The following EPG5 variants were observed in gnomAD, a reference collection of about 807,000 sequenced individuals.
EPG5 encodes the protein ectopic P granules protein 5 homolog.
A neutral mutation model predicts 302.7 loss-of-function variants in EPG5; 159 were observed. The observed-to-expected ratio is 0.53, with a 90% CI of 0.46 to 0.60. The LOEUF is 0.60. Ranked by LOEUF, EPG5 falls within the 20% of genes least tolerant of loss-of-function variation. The pLI, the probability that EPG5 is intolerant of heterozygous loss-of-function variation, is 0.00. For missense variants in EPG5, 2,896 were observed against 3,092.4 expected (o/e 0.94, Z 1.51); for synonymous variants, 1,158 against 1,136.8 (o/e 1.02, Z -0.37).
At chr18:45,837,215 G>C in the EPG5 span, 1 of 1,421,846 alleles carries the variant, frequency 7.0e-7, no homozygotes, top group Non-Finnish European at 9.3e-7. Flanking sequence ...ATGGGGTCAA[G>C]GGGCCTGCAG....
chr18:45,808,983 C>T, the EPG5 span, among the ~76,000 whole-genome samples: 811 of 152,182 alleles, frequency 5.3e-3, 5 homozygotes, highest in Middle Eastern at 0.024. Flanking sequence ...TATCTGCTGC[C>T]TTCAGGAGGC....
At position 45,928,923 on chromosome 18, in the gene EPG5, C is replaced by A; in HGVS notation, c.2499G>T (p.Glu833Asp). ...CTCTATCCAGAAGGACGGAAATTAT[C>A]TCAGGGTGAACAGCTGTGATAGTCC... is the stretch of plus-strand genomic sequence containing the variant. The part of the protein sequence containing the change: ...LLGTITAVHP[E>D]IISVLLDRVQ... The change falls in exon 13 of 44, where the codon GAG becomes GAT. Residue 833 changes from glutamate (E) to aspartate (D), a missense_variant. Physicochemically the swap from Glu to Asp is conservative, Grantham distance 45 (BLOSUM62 2). Transcript: ENST00000282041. 4 of 1,614,020 alleles carry A rather than the reference C, an allele frequency of 2.5e-6. No individual in the cohort carries two copies. The South Asian group carries it at 3.3e-5, about 13-fold the overall frequency.
rs779871939 is a variant in EPG5, at chr18:45,954,915, T to G, written c.487A>C (p.Thr163Pro). ...TGTATATTTTCCATTGCTGGCTGAG[T>G]ATAAGAAAAATTAGATTGGGGTGCA... is the stretch of plus-strand genomic sequence containing the variant. ...ESAPQSNFSY[T>P]QPAMENIQVR... The change falls in exon 2 of 44, where the codon ACT becomes CCT. Residue 163 changes from threonine (T) to proline (P), a missense_variant. Physicochemically the swap from Thr to Pro is conservative, Grantham distance 38. Around this residue, in one of 5 missense-constraint regions of EPG5, gnomAD observed 1,390 missense variants for 1,430.0 expected, o/e 0.97. Coordinates refer to ENST00000282041, the MANE Select transcript of EPG5 (RefSeq NM_020964.3). 8 of 1,613,620 alleles carry G rather than the reference T, an allele frequency of 5.0e-6. No individual in the cohort carries two copies. The highest frequency in any genetic ancestry group is 1.7e-5 in the Admixed American group (1 of 59,892).
At position 45,955,140 on chromosome 18, in the gene EPG5, A is replaced by C. The variant is rs748333288; in HGVS notation, c.262T>G (p.Leu88Val). The change falls in exon 2 of 44, where the codon TTA (leucine) becomes GTA (valine). Residue 88 changes from leucine (L) to valine (V), a missense_variant. By Grantham distance (32) the Leu-to-Val change is conservative (BLOSUM62 1). Coordinates refer to ENST00000282041, the MANE Select transcript of EPG5 (RefSeq NM_020964.3). ...SEMFDVPLTS[L>V]TISNEESLTC... Reference sequence around the variant, plus strand: ...AGGGACTCTTCATTGCTTATAGTTAAGGAGGTGAGTGGTACATCAAACATT... The same window carrying C: ...AGGGACTCTTCATTGCTTATAGTTACGGAGGTGAGTGGTACATCAAACATT... 1.9e-6 allele frequency: 3 copies of C among 1,614,088 alleles called. No homozygotes were observed. The highest frequency in any genetic ancestry group is 2.5e-6 in the Non-Finnish European group (3 of 1,180,004).
intron 4 of EPG5, among the ~76,000 whole-genome samples, chr18:45,950,500 T>C (rs1260882446): frequency 6.6e-6 from 1 of 152,170 alleles, no homozygotes; most frequent in African/African-American, 2.4e-5. Flanking sequence ...CGAAGTGCCT[T>C]TTGCCCTCCA....
intron 25 of EPG5, 111 bp from the exon 26 acceptor site, chr18:45,901,278 A>C: frequency 1.1e-6 from 1 of 883,522 alleles, no homozygotes. Context: ...TTATAGTCTT[A>C]CGATAGTTGA....
intron 27 of EPG5, among the ~76,000 whole-genome samples, chr18:45,899,080 G>A (rs780267291): frequency 2.0e-5 from 3 of 152,100 alleles, no homozygotes; most frequent in African/African-American, 2.4e-5. Flanking sequence ...AGCCAAGATC[G>A]CGCCACTGCA....
At chr18:45,866,738 C>T (rs1011177220) in intron 38 of EPG5, 60 bp downstream of exon 38, 122 of 1,341,080 alleles carry the variant, frequency 9.1e-5, no homozygotes, top group Admixed American at 7.8e-4. Context: ...CTTTGTAGCA[C>T]TTATGCTGCT....
At chr18:45,828,030 C>T in the EPG5 span, among the ~76,000 whole-genome samples, 1 of 152,192 alleles carries the variant, frequency 6.6e-6, no homozygotes, top group Non-Finnish European at 1.5e-5. Context: ...CAGGGTGGTC[C>T]AGGCCCCCAC....
the EPG5 span, among the ~76,000 whole-genome samples, chr18:45,805,205 A>G: frequency 6.6e-6 from 1 of 152,114 alleles, no homozygotes; most frequent in South Asian, 2.1e-4. Flanking sequence ...AAACAGGAAA[A>G]AGGGGTTATT....
At position 45,848,132 on chromosome 18, in the gene EPG5, A is replaced by T. The variant is rs2048381827; in HGVS notation, c.*4335T>A. The T allele has an allele frequency of 6.6e-6, 1 of 152,228 alleles. No homozygotes were observed. Among genetic ancestry groups the T allele is most frequent in the South Asian group, 2.1e-4 (1 of 4,834 alleles). The allele number at this position is 152,228 out of a possible 1,614,324, so 9.4% of individuals were successfully genotyped here. The stretch of plus-strand genomic sequence containing the variant: ...AAATGAAGTCTGCGTTAGTAAGTCT[A>T]GAACTTTACCCAGCACAACCCAGAC... On this transcript the variant is annotated 3_prime_UTR_variant, in exon 44 of 44. Transcript: ENST00000282041.
the EPG5 span, among the ~76,000 whole-genome samples, chr18:45,819,543 A>G: frequency 1.3e-5 from 2 of 152,218 alleles, no homozygotes; most frequent in Non-Finnish European, 2.9e-5. Context: ...CAGAAAATAT[A>G]TAGATATCTA....
the EPG5 span, among the ~76,000 whole-genome samples, chr18:45,831,910 G>C: frequency 6.6e-6 from 1 of 152,154 alleles, no homozygotes; most frequent in African/African-American, 2.4e-5. Flanking sequence ...GCTAATTTTT[G>C]TGTTTTTAGT....
Position 45,899,532 on chromosome 18 carries a change from G to A in EPG5, c.4681C>T (p.Leu1561=), listed in dbSNP as rs944495980. The change falls in exon 27 of 44, where the codon CTG becomes TTG. Residue 1561 remains leucine (L), a synonymous_variant. Coordinates refer to ENST00000282041, the MANE Select transcript of EPG5 (RefSeq NM_020964.3). ...AALRESQQVA[L]DGELLDTMPK... is the part of the protein sequence containing the mutation. ...ATTGTGTCTAACAGCTCACCATCCA[G>A]AGCAACCTGCTGAGATTCCCGAAGA... 5 of 1,614,136 alleles carry A rather than the reference G, an allele frequency of 3.1e-6. No homozygotes were observed. The highest frequency in any genetic ancestry group is 1.7e-5 in the Admixed American group (1 of 60,028).
intron 30 of EPG5, 67 bp from the exon 31 acceptor site, chr18:45,882,554 T>G: frequency 7.7e-7 from 1 of 1,300,300 alleles, no homozygotes; most frequent in Non-Finnish European, 1.1e-6. Context: ...AGGAGAGAGG[T>G]CTGTGTAAAT....
chr18:45,963,104 C>T lies in EPG5; in HGVS notation c.63+4073G>A, dbSNP rs568303715. On this transcript the variant is annotated intron_variant, in intron 1 of 43. Transcript: ENST00000282041. ...AAGAGGCTACGAAGGGTACTGAGAA[C>T]AAGACAGGTCCCTCCCTCAGTGAGT... Among the ~76,000 whole-genome samples the T allele has an allele frequency of 6.6e-5, 10 of 152,232 alleles. No homozygotes were observed. The South Asian group carries it at 1.9e-3, about 28-fold the overall frequency.
chr18:45,825,167 G>GGAGA, the EPG5 span, among the ~76,000 whole-genome samples: 1 of 127,222 alleles, frequency 7.9e-6, no homozygotes, highest in Admixed American at 8.0e-5. Flanking sequence ...AGGGAGGGAG[G>GGAGA]GAGGGAGGAA....
chr18:45,836,638 G>A, the EPG5 span, among the ~76,000 whole-genome samples: 868 of 152,330 alleles, frequency 5.7e-3, 6 homozygotes, highest in African/African-American at 0.02. Context: ...ACTGTTCAGA[G>A]GTGCTTGCAC....
At chr18:45,964,654 A>G (rs1043441644) in intron 1 of EPG5, among the ~76,000 whole-genome samples, 5 of 152,024 alleles carry the variant, frequency 3.3e-5, no homozygotes, top group African/African-American at 4.8e-5. Context: ...ACCCAATACA[A>G]TGCAAAAGCA....
Sources: gnomAD v4.1 joint callset for allele counts (sites outside exome capture counted in the v4.1 genomes callset) on GRCh38, gnomAD v4.1.1 for gene constraint, gnomAD v4.1.1 regional missense constraint, MANE v1.5 for transcripts, NCBI Gene and HGNC (gene_info 2026-07-23, HGNC 2026-07-21) for gene names.